ZNF385B: variants seen among roughly 807,000 people sequenced by gnomAD.
The protein encoded by ZNF385B is zinc finger protein 385B.
A neutral mutation model predicts 39.2 loss-of-function variants in ZNF385B; 23 were observed. The observed-to-expected ratio is 0.59, with a 90% CI of 0.42 to 0.83. The LOEUF (loss-of-function observed/expected upper bound fraction) is 0.83. ZNF385B is among the 40% of genes least tolerant of loss of function. The pLI is 0.00. For synonymous variants in ZNF385B, 205 were observed against 222.6 expected, an observed-to-expected ratio of 0.92 and a Z score of 0.70; for missense variants, 552 against 598.9, an observed-to-expected ratio of 0.92 and a Z score of 0.82.
chr2:179,615,421 A>C, intron 3 of ZNF385B, among the ~76,000 whole-genome samples: 1 of 152,196 alleles, frequency 6.6e-6, no homozygotes, highest in East Asian at 1.9e-4. Context: ...TCCATCCCAG[A>C]CCTAACAAAT....
chr2:179,642,324 A>G (rs1300452093), intron 3 of ZNF385B, among the ~76,000 whole-genome samples: 2 of 152,176 alleles, frequency 1.3e-5, no homozygotes, highest in Non-Finnish European at 2.9e-5. Context: ...ATGGTCAATA[A>G]TGTTCTTCCT....
At chr2:179,682,901 C>T (rs1352789998) in intron 3 of ZNF385B, among the ~76,000 whole-genome samples, 1 of 152,130 alleles carries the variant, frequency 6.6e-6, no homozygotes, top group Non-Finnish European at 1.5e-5. Flanking sequence ...CACAGTCATC[C>T]CTTTAGCTGG....
Position 179,632,625 on chromosome 2 carries a change from C to T in ZNF385B, c.299-87656G>A, listed in dbSNP as rs191959625. On this transcript the variant is annotated intron_variant, in intron 3 of 9. Coordinates refer to ENST00000410066, the MANE Select transcript of ZNF385B (RefSeq NM_152520.6). ...GAAAGATCTCAAATTGACACCCTAA[C>T]ATCACAATTGAAAGAACTAGAGAAG... Among the ~76,000 whole-genome samples the T allele has an allele frequency of 3.2e-3, 493 of 152,280 alleles. 4 individuals carry two copies. The highest frequency in any genetic ancestry group is 0.011 in the African/African-American group (469 of 41,548).
intron 3 of ZNF385B, among the ~76,000 whole-genome samples, chr2:179,768,527 T>C (rs535306285): frequency 1.6e-3 from 245 of 152,188 alleles, no homozygotes; most frequent in Non-Finnish European, 3.0e-3. Flanking sequence ...GTAACAGCAC[T>C]GAGTGAAATT....
At chr2:179,623,311 T>A (rs1027854736) in intron 3 of ZNF385B, among the ~76,000 whole-genome samples, 1 of 151,992 alleles carries the variant, frequency 6.6e-6, no homozygotes, top group Non-Finnish European at 1.5e-5. Context: ...TTTAAACCTA[T>A]GTCTCCCTAG....
chr2:179,498,617 T>C (rs2105713031), intron 5 of ZNF385B, among the ~76,000 whole-genome samples: 1 of 151,910 alleles, frequency 6.6e-6, no homozygotes, highest in East Asian at 1.9e-4. Flanking sequence ...TAAGAAGAAA[T>C]GAAAAAGTTT....
rs543296712 is a variant in ZNF385B, at chr2:179,488,624, CTT to C, written c.553-5192_553-5191del. Among the ~76,000 whole-genome samples, 897 of 151,842 alleles carry C rather than the reference CTT, an allele frequency of 5.9e-3. 1 individual carries two copies. Among genetic ancestry groups the C allele is most frequent in the Non-Finnish European group, 9.8e-3 (665 of 68,002 alleles). ...CTATATATTTACCAATAGAACCAACCTTTTTTTGCATTTTAAAAAGTAATTAG... is the reference window on the plus strand; with the variant it reads ...CTATATATTTACCAATAGAACCAACCTTTTTGCATTTTAAAAAGTAATTAG... On this transcript the variant is annotated intron_variant, in intron 5 of 9. Transcript: ENST00000410066.
intron 3 of ZNF385B, among the ~76,000 whole-genome samples, chr2:179,607,452 C>G (rs1445541741): frequency 4.6e-5 from 7 of 152,206 alleles, no homozygotes; most frequent in African/African-American, 1.7e-4. Context: ...TCCCCTTCAC[C>G]TTCTGCTGCC....
chr2:179,816,704 G>T (rs1454977338), intron 1 of ZNF385B, among the ~76,000 whole-genome samples: 1 of 152,120 alleles, frequency 6.6e-6, no homozygotes, highest in Non-Finnish European at 1.5e-5. Context: ...TATCTAACTA[G>T]TAAGACTAAG....
intron 1 of ZNF385B, among the ~76,000 whole-genome samples, chr2:179,859,122 G>A (rs893037250): frequency 5.3e-5 from 8 of 152,124 alleles, no homozygotes; most frequent in South Asian, 2.1e-4. Flanking sequence ...TGCTTTGATC[G>A]ATCCTCATTT....
intron 8 of ZNF385B, 42 bp downstream of exon 8, chr2:179,445,508 G>C (rs779176702): frequency 1.3e-6 from 2 of 1,564,070 alleles, no homozygotes; most frequent in Non-Finnish European, 8.7e-7. Flanking sequence ...CAGTCAAGTG[G>C]TGACCTAAAA....
At chr2:179,565,023 C>A (rs1395490059) in intron 3 of ZNF385B, among the ~76,000 whole-genome samples, 2 of 152,154 alleles carry the variant, frequency 1.3e-5, no homozygotes, top group Non-Finnish European at 2.9e-5. Context: ...TCTGTCACCT[C>A]CTTTCCTTTT....
intron 3 of ZNF385B, among the ~76,000 whole-genome samples, chr2:179,730,573 A>T (rs79184043): frequency 0.02 from 3,079 of 152,314 alleles, 57 homozygotes; most frequent in Non-Finnish European, 0.027. Context: ...AAAATAGTAA[A>T]TGTATGAGAA....
chr2:179,692,135 C>T (rs1328425576), intron 3 of ZNF385B, among the ~76,000 whole-genome samples: 1 of 152,146 alleles, frequency 6.6e-6, no homozygotes, highest in Non-Finnish European at 1.5e-5. Context: ...TGTACCCACT[C>T]ACCACATCCC....
intron 1 of ZNF385B, among the ~76,000 whole-genome samples, chr2:179,788,816 G>C (rs950367601): frequency 5.3e-5 from 8 of 152,134 alleles, no homozygotes; most frequent in Non-Finnish European, 1.2e-4. Context: ...GCAAACAAAA[G>C]AGGATGCTCC....
intron 1 of ZNF385B, among the ~76,000 whole-genome samples, chr2:179,821,172 G>A (rs1707372919): frequency 1.3e-5 from 2 of 152,092 alleles, no homozygotes; most frequent in Non-Finnish European, 2.9e-5. Context: ...CCAACTGTCA[G>A]GGCACAGGGA....
At chr2:179,445,019 T>C in intron 8 of ZNF385B, 42 bp from the exon 9 acceptor site, 1 of 1,538,944 alleles carries the variant, frequency 6.5e-7, no homozygotes, top group Non-Finnish European at 9.0e-7. Context: ...AATGTGAGTC[T>C]TATTCCATGT....
intron 5 of ZNF385B, among the ~76,000 whole-genome samples, chr2:179,505,976 T>C (rs2057219805): frequency 6.6e-6 from 1 of 152,126 alleles, no homozygotes; most frequent in African/African-American, 2.4e-5. Flanking sequence ...TGAGTTTTAA[T>C]AATATATATG....
intron 5 of ZNF385B, among the ~76,000 whole-genome samples, chr2:179,511,368 A>G (rs1326921153): frequency 6.6e-6 from 1 of 152,198 alleles, no homozygotes; most frequent in Non-Finnish European, 1.5e-5. Flanking sequence ...CAAGACAAAT[A>G]TGAGTTGGTA....
Sources: gnomAD v4.1 joint callset for allele counts (sites outside exome capture counted in the v4.1 genomes callset) on GRCh38, gnomAD v4.1.1 for gene constraint, MANE v1.5 for transcripts, NCBI Gene and HGNC (gene_info 2026-07-23, HGNC 2026-07-21) for gene names.